Variants in PCDH9 observed in about 807,000 individuals in gnomAD.
PCDH9 encodes the protein protocadherin 9.
PCDH9 carries 24 observed loss-of-function variants against 70.6 expected under a neutral mutation model. That is an observed-to-expected ratio of 0.34 (90% CI 0.25 to 0.48). The LOEUF is 0.48. Ranked by LOEUF, PCDH9 falls within the 20% of genes least tolerant of loss-of-function variation. PCDH9 has a pLI of 0.99. For missense variants in PCDH9, 1,281 were observed against 1,503.6 expected (o/e 0.85, Z 2.45); for synonymous variants, 562 against 558.5 (o/e 1.01, Z -0.09).
At chr13:66,584,656 C>T (rs1016897188) in intron 4 of PCDH9, among the ~76,000 whole-genome samples, 12 of 152,064 alleles carry the variant, frequency 7.9e-5, no homozygotes, top group Non-Finnish European at 7.4e-5. Flanking sequence ...AATACTTTTA[C>T]AGTAGTCTTC....
intron 3 of PCDH9, among the ~76,000 whole-genome samples, chr13:66,773,706 T>C (rs989567976): frequency 6.6e-6 from 1 of 151,630 alleles, no homozygotes; most frequent in Non-Finnish European, 1.5e-5. Flanking sequence ...AACAACCACA[T>C]GTGACTAGTG....
At chr13:66,799,261 T>G (rs1254039043) in intron 3 of PCDH9, among the ~76,000 whole-genome samples, 1 of 152,170 alleles carries the variant, frequency 6.6e-6, no homozygotes, top group Non-Finnish European at 1.5e-5. Context: ...AGATAGTCTA[T>G]GCGGTCAAGT....
intron 4 of PCDH9, among the ~76,000 whole-genome samples, chr13:66,374,767 T>G (rs1328043459): frequency 2.0e-5 from 3 of 152,042 alleles, no homozygotes; most frequent in African/African-American, 7.2e-5. Context: ...ATTCTAAACT[T>G]AAACTGTCAC....
intron 4 of PCDH9, among the ~76,000 whole-genome samples, chr13:66,307,623 T>C (rs939974676): frequency 1.9e-4 from 29 of 152,198 alleles, no homozygotes; most frequent in African/African-American, 6.7e-4. Flanking sequence ...AATCTTTACA[T>C]TTCCAGCGTC....
intron 2 of PCDH9, among the ~76,000 whole-genome samples, chr13:67,046,467 T>C (rs2085223721): frequency 6.6e-6 from 1 of 152,158 alleles, no homozygotes; most frequent in African/African-American, 2.4e-5. Context: ...GGCATAGCTT[T>C]TTAAAGAAAC....
chr13:66,305,115 G>A lies in PCDH9; in HGVS notation c.3341-87C>T, dbSNP rs531511533. On this transcript the variant is annotated intron_variant, in intron 4 of 4. Coordinates refer to ENST00000377865, the MANE Select transcript of PCDH9 (RefSeq NM_203487.3). Reference sequence around the variant, plus strand: ...ATCTTAGAGAAAAAGTATGTTATTAGTGATCTTATTTTTTCATAAAAGTGT... The same window carrying A: ...ATCTTAGAGAAAAAGTATGTTATTAATGATCTTATTTTTTCATAAAAGTGT... The A allele has an allele frequency of 2.6e-6, 3 of 1,164,004 alleles. No individual in the cohort carries two copies. In the South Asian group the frequency reaches 5.1e-5, roughly 20 times the overall value. The allele number at this position is 1,164,004 out of a possible 1,614,324, so 72.1% of individuals were successfully genotyped here.
intron 2 of PCDH9, among the ~76,000 whole-genome samples, chr13:67,060,022 A>C (rs1413678922): frequency 6.6e-6 from 1 of 151,772 alleles, no homozygotes; most frequent in Non-Finnish European, 1.5e-5. Context: ...TGTGGCTCTA[A>C]ATTCAGAGAG....
Position 66,536,069 on chromosome 13 carries a change from C to T in PCDH9, c.3340+95141G>A, listed in dbSNP as rs551982815. ...TCACACGTGTATCTGCTCCTCTGCT[C>T]CTCTTCCCCACCACTTACAGGTTAT... On this transcript the variant is annotated intron_variant, in intron 4 of 4. Coordinates refer to ENST00000377865, the MANE Select transcript of PCDH9 (RefSeq NM_203487.3). 3.6e-4 allele frequency among the ~76,000 whole-genome samples: 55 copies of T among 152,152 alleles called. 3 individuals are homozygous for T. The South Asian group carries it at 0.011, about 31-fold the overall frequency.
chr13:66,326,211 A>T (rs898699932), intron 4 of PCDH9, among the ~76,000 whole-genome samples: 2 of 152,098 alleles, frequency 1.3e-5, no homozygotes, highest in East Asian at 1.9e-4. Flanking sequence ...GATACAAATT[A>T]TCAATCCTTT....
At chr13:66,468,734 G>A (rs1022779092) in intron 4 of PCDH9, among the ~76,000 whole-genome samples, 2 of 152,118 alleles carry the variant, frequency 1.3e-5, no homozygotes, top group African/African-American at 4.8e-5. Context: ...TTAACAATTA[G>A]GATACACATA....
chr13:67,103,018 T>C (rs1452040644), intron 2 of PCDH9, among the ~76,000 whole-genome samples: 4 of 152,060 alleles, frequency 2.6e-5, no homozygotes, highest in Admixed American at 2.0e-4. Flanking sequence ...TAAAATATTT[T>C]CCTAAGTATT....
intron 2 of PCDH9, among the ~76,000 whole-genome samples, chr13:67,024,346 A>G (rs970981840): frequency 6.6e-5 from 10 of 152,268 alleles, no homozygotes; most frequent in African/African-American, 2.2e-4. Flanking sequence ...GCCATGGGTC[A>G]TCGTGTCTAT....
At chr13:66,404,167 G>A (rs965737655) in intron 4 of PCDH9, among the ~76,000 whole-genome samples, 11 of 152,096 alleles carry the variant, frequency 7.2e-5, no homozygotes, top group Non-Finnish European at 1.5e-4. Flanking sequence ...TTATCTCTTA[G>A]AAAGTAGACA....
intron 4 of PCDH9, among the ~76,000 whole-genome samples, chr13:66,492,915 G>A (rs1210552237): frequency 5.3e-5 from 8 of 152,256 alleles, no homozygotes; most frequent in Admixed American, 1.3e-4. Context: ...AGCTAAGTGC[G>A]ATCCTGGGAC....
intron 4 of PCDH9, among the ~76,000 whole-genome samples, chr13:66,368,292 C>T (rs559800154): frequency 7.9e-5 from 12 of 151,976 alleles, no homozygotes; most frequent in Middle Eastern, 3.4e-3. Flanking sequence ...CCAAGAGATA[C>T]AGCCAAAATG....
chr13:66,822,771 G>T (rs1004796539), intron 3 of PCDH9, among the ~76,000 whole-genome samples: 4 of 152,010 alleles, frequency 2.6e-5, no homozygotes, highest in African/African-American at 9.7e-5. Context: ...CCACCTCCCA[G>T]TGCTGGGATT....
chr13:66,574,846 G>C (rs2076790352), intron 4 of PCDH9, among the ~76,000 whole-genome samples: 1 of 152,078 alleles, frequency 6.6e-6, no homozygotes, highest in Non-Finnish European at 1.5e-5. Flanking sequence ...TGACAACTCA[G>C]TGCAGGAAAT....
In PCDH9 at chr13:66,491,887, G is replaced by A. The variant is rs576124581; in HGVS notation, c.3340+139323C>T. On this transcript the variant is annotated intron_variant, in intron 4 of 4. Transcript: ENST00000377865. ...TTGGGTTAAGCTGATTCCACATCGC[G>A]GGACTGTGATACTGGTAGGCCCCAT... Among the ~76,000 whole-genome samples, 116 of 152,120 alleles carry A rather than the reference G, an allele frequency of 7.6e-4. 1 individual carries two copies. The highest frequency in any genetic ancestry group is 1.3e-3 in the Non-Finnish European group (86 of 68,006).
intron 4 of PCDH9, among the ~76,000 whole-genome samples, chr13:66,433,585 T>C (rs1426119872): frequency 6.6e-6 from 1 of 151,794 alleles, no homozygotes; most frequent in Non-Finnish European, 1.5e-5. Context: ...GCTGTCATAT[T>C]AAAGTGTATA....
Sources: gnomAD v4.1 joint callset for allele counts (sites outside exome capture counted in the v4.1 genomes callset) on GRCh38, gnomAD v4.1.1 for gene constraint, MANE v1.5 for transcripts, NCBI Gene and HGNC (gene_info 2026-07-23, HGNC 2026-07-21) for gene names.